The following BNC2 variants were observed in gnomAD, a reference collection of about 807,000 sequenced individuals.
BNC2 encodes the protein basonuclin zinc finger protein 2.
A neutral mutation model predicts 76.3 loss-of-function variants in BNC2; 20 were observed. The observed-to-expected ratio is 0.26, with a 90% CI of 0.18 to 0.38. BNC2 has a LOEUF of 0.38. BNC2 is among the 10% of genes least tolerant of loss of function. The pLI is 1.00. For synonymous variants in BNC2, 582 were observed against 514.8 expected (o/e 1.13, Z -1.77); for missense variants, 1,382 against 1,399.8 (o/e 0.99, Z 0.20).
chr9:16,765,935 C>T lies in BNC2; in HGVS notation c.4-27450G>A, dbSNP rs564927462. On this transcript the variant is annotated intron_variant, in intron 1 of 6. Coordinates refer to ENST00000380672, the MANE Select transcript of BNC2 (RefSeq NM_017637.6). Reference sequence around the variant, plus strand: ...CGGAGTAGCTGGGACTACAGGCGCTCGCCACCACGCCTGGCTAATTTTTTT... The same window carrying T: ...CGGAGTAGCTGGGACTACAGGCGCTTGCCACCACGCCTGGCTAATTTTTTT... 7.4e-4 allele frequency among the ~76,000 whole-genome samples: 113 copies of T among 152,118 alleles called. 2 individuals are homozygous for T. The South Asian group carries it at 8.9e-3, about 12-fold the overall frequency.
intron 1 of BNC2, among the ~76,000 whole-genome samples, chr9:16,844,263 T>C (rs768698441): frequency 6.6e-5 from 10 of 152,062 alleles, no homozygotes; most frequent in Non-Finnish European, 1.5e-4. Flanking sequence ...CGGGTATATC[T>C]GGGTTTGAGT....
At chr9:16,477,205 G>A (rs1821945929) in intron 5 of BNC2, among the ~76,000 whole-genome samples, 1 of 152,166 alleles carries the variant, frequency 6.6e-6, no homozygotes, top group African/African-American at 2.4e-5. Flanking sequence ...TCCCAAGTGA[G>A]CAATGGTCAC....
chr9:16,711,504 T>C (rs896779461), intron 3 of BNC2, among the ~76,000 whole-genome samples: 7 of 152,240 alleles, frequency 4.6e-5, no homozygotes, highest in African/African-American at 1.7e-4. Flanking sequence ...AAGATAAACA[T>C]ACCTCTAAAC....
At chr9:16,848,437 G>A (rs2136140813) in intron 1 of BNC2, among the ~76,000 whole-genome samples, 1 of 152,300 alleles carries the variant, frequency 6.6e-6, no homozygotes. Context: ...AAAACAGCTA[G>A]ACGTTATACT....
At chr9:16,813,390 C>G (rs918644783) in intron 1 of BNC2, among the ~76,000 whole-genome samples, 21 of 151,476 alleles carry the variant, frequency 1.4e-4, no homozygotes, top group Non-Finnish European at 2.4e-4. Flanking sequence ...CTCAGCCTCC[C>G]GAGTAGCTGG....
At chr9:16,599,692 G>A (rs1349387157) in intron 3 of BNC2, among the ~76,000 whole-genome samples, 1 of 152,174 alleles carries the variant, frequency 6.6e-6, no homozygotes, top group Admixed American at 6.6e-5. Context: ...GCTGAGGCAG[G>A]AGAATCACTT....
intron 6 of BNC2, among the ~76,000 whole-genome samples, chr9:16,422,907 G>T (rs1022589077): frequency 2.0e-5 from 3 of 152,180 alleles, no homozygotes; most frequent in African/African-American, 7.2e-5. Flanking sequence ...AAGACCTAGG[G>T]TTAATAGCAA....
chr9:16,850,045 T>G (rs1240675963), intron 1 of BNC2, among the ~76,000 whole-genome samples: 1 of 152,174 alleles, frequency 6.6e-6, no homozygotes, highest in Non-Finnish European at 1.5e-5. Flanking sequence ...ACAGACTAGG[T>G]AGGTTATCTG....
At chr9:16,644,489 A>G (rs1821571740) in intron 3 of BNC2, among the ~76,000 whole-genome samples, 1 of 152,052 alleles carries the variant, frequency 6.6e-6, no homozygotes, top group African/African-American at 2.4e-5. Flanking sequence ...AAATAAATCA[A>G]CTCGGTGCAT....
chr9:16,509,238 C>G (rs975333210), intron 5 of BNC2, among the ~76,000 whole-genome samples: 10 of 152,176 alleles, frequency 6.6e-5, no homozygotes, highest in African/African-American at 2.2e-4. Flanking sequence ...AGCCACCTGG[C>G]TCTGGTATCT....
intron 5 of BNC2, among the ~76,000 whole-genome samples, chr9:16,468,901 T>G (rs1181497443): frequency 1.3e-5 from 2 of 152,174 alleles, no homozygotes; most frequent in South Asian, 2.1e-4. Flanking sequence ...AAATATCACA[T>G]AGCATTGCAA....
chr9:16,515,944 G>GA (rs3055130), intron 5 of BNC2, among the ~76,000 whole-genome samples: 12,003 of 145,402 alleles, frequency 0.083, 1,405 homozygotes, highest in African/African-American at 0.26. Flanking sequence ...TTCCAAAAGG[G>GA]AAAAAAAAAA....
chr9:16,869,874 AG>A, intron 1 of BNC2, among the ~76,000 whole-genome samples: 1 of 152,230 alleles, frequency 6.6e-6, no homozygotes, highest in Admixed American at 6.5e-5. Flanking sequence ...GATTTCACCT[AG>A]GGTTTTTCAG....
At chr9:16,592,780 C>T (rs542001883) in intron 3 of BNC2, among the ~76,000 whole-genome samples, 9 of 152,174 alleles carry the variant, frequency 5.9e-5, no homozygotes, top group African/African-American at 2.2e-4. Flanking sequence ...ATATCATTCC[C>T]CAGGAGACAT....
chr9:16,453,305 G>T (rs1821381137), intron 5 of BNC2, among the ~76,000 whole-genome samples: 2 of 152,174 alleles, frequency 1.3e-5, no homozygotes, highest in African/African-American at 4.8e-5. Flanking sequence ...TCGAAGCCAT[G>T]ATTCAAAGAA....
intron 1 of BNC2, among the ~76,000 whole-genome samples, chr9:16,789,595 C>T (rs2135639992): frequency 6.6e-6 from 1 of 152,300 alleles, no homozygotes; most frequent in African/African-American, 2.4e-5. Flanking sequence ...TGTCTCCCTG[C>T]TTCTCCCACC....
Position 16,497,129 on chromosome 9 carries a change from G to T in BNC2, c.669+55401C>A, listed in dbSNP as rs1822407321. ...TGTTCACCCTTGTGGTCACTATTGT[G>T]CATGGCCACTCTGGTAGCCTTTTTG... is the stretch of plus-strand genomic sequence containing the variant. On this transcript the variant is annotated intron_variant, in intron 5 of 6. Coordinates refer to ENST00000380672, the MANE Select transcript of BNC2 (RefSeq NM_017637.6). Among the ~76,000 whole-genome samples the T allele has an allele frequency of 2.0e-5, 3 of 152,226 alleles. No individual in the cohort carries two copies. In the South Asian group the frequency reaches 6.2e-4, roughly 32 times the overall value.
intron 2 of BNC2, 139 bp from the exon 3 acceptor site, chr9:16,728,136 G>T: frequency 1.3e-6 from 1 of 772,808 alleles, no homozygotes; most frequent in Non-Finnish European, 2.3e-6. Flanking sequence ...AGCTTCTTTC[G>T]CACCTTCTGC....
chr9:16,576,940 G>A (rs1371589983), intron 4 of BNC2, among the ~76,000 whole-genome samples: 2 of 152,132 alleles, frequency 1.3e-5, no homozygotes, highest in Non-Finnish European at 2.9e-5. Context: ...GTTTCACCAT[G>A]TTGGCCAGGA....
Sources: allele counts gnomAD v4.1 joint callset (sites outside exome capture counted in the v4.1 genomes callset), GRCh38; gene constraint gnomAD v4.1.1; transcripts MANE v1.5; gene names NCBI Gene and HGNC (gene_info 2026-07-23, HGNC 2026-07-21).